The following DKKL1 variants were observed in gnomAD, a reference collection of about 807,000 sequenced individuals.
DKKL1 encodes dickkopf-like protein 1.
DKKL1 carries 11 observed loss-of-function variants against 16.5 expected under a neutral mutation model. The observed-to-expected ratio is 0.67, with a 90% CI of 0.42 to 1.10. The LOEUF is 1.10. DKKL1 is among the 50% of genes least tolerant of loss of function. DKKL1 has a pLI of 0.00. For synonymous variants in DKKL1, 119 were observed against 133.2 expected (o/e 0.89, Z 0.73); for missense variants, 320 against 308.1 (o/e 1.04, Z -0.29).
chr19:49,373,759 G>A (rs66837471), intron 4 of DKKL1, among the ~76,000 whole-genome samples: 34,010 of 151,778 alleles, frequency 0.22, 3,999 homozygotes, highest in Non-Finnish European at 0.25. Flanking sequence ...ATGAGCCACC[G>A]CGTCCAGCCA....
upstream of DKKL1, among the ~76,000 whole-genome samples, chr19:49,362,099 G>C (rs1225871254): frequency 6.6e-6 from 1 of 152,110 alleles, no homozygotes; most frequent in Admixed American, 6.5e-5. Context: ...GCAGACGCAC[G>C]CCCCACACCC....
intron 4 of DKKL1, among the ~76,000 whole-genome samples, chr19:49,373,514 G>C (rs548954476): frequency 7.2e-5 from 11 of 152,240 alleles, no homozygotes; most frequent in African/African-American, 2.4e-4. Context: ...CTGTTGCCCA[G>C]GCTAGAGTGC....
upstream of DKKL1, chr19:49,363,509 T>TCCAGTGCAGGGGCGTGGC (rs879366205): frequency 1.5e-4 from 37 of 240,886 alleles, no homozygotes; most frequent in African/African-American, 4.8e-4. Flanking sequence ...AGGGGCGTGG[T>TCCAGTGCAGGGGCGTGGC]CCAGTGCAGG....
In DKKL1 at chr19:49,373,398, A is replaced by G. The variant is rs559568801; in HGVS notation, c.418-1319A>G. 5.3e-5 allele frequency among the ~76,000 whole-genome samples: 8 copies of G among 152,326 alleles called. No individual in the cohort carries two copies. In the East Asian group the frequency reaches 9.6e-4, roughly 18 times the overall value. ...ATATCTTCAATGACCCTAGTTCCAA[A>G]TAAGGCCACATTCTGAGGTATTACA... On this transcript the variant is annotated intron_variant, in intron 4 of 4. Coordinates refer to ENST00000221498, the MANE Select transcript of DKKL1 (RefSeq NM_014419.4).
At chr19:49,366,181 T>C (rs1343024192) in intron 4 of DKKL1, among the ~76,000 whole-genome samples, 1 of 152,206 alleles carries the variant, frequency 6.6e-6, no homozygotes, top group South Asian at 2.1e-4. Flanking sequence ...TCTGCCCATC[T>C]TGGCCTTCCA....
At chr19:49,365,674 T>G in intron 3 of DKKL1, 25 bp downstream of exon 3, 1 of 1,603,232 alleles carries the variant, frequency 6.2e-7, no homozygotes, top group Non-Finnish European at 8.5e-7. Context: ...AAGCCCTTCC[T>G]GAAGTCCCCT....
In DKKL1 at chr19:49,375,041, G is replaced by A. The variant is rs752979448; in HGVS notation, c.*13G>A. On this transcript the variant is annotated 3_prime_UTR_variant, in exon 5 of 5. Transcript: ENST00000221498. Reference sequence around the variant, plus strand: ...TCGGCAGCTGTAGGGGTGGGGACCGGGGAGCACCTGCCTGTAGCCCCCATC... The same window carrying A: ...TCGGCAGCTGTAGGGGTGGGGACCGAGGAGCACCTGCCTGTAGCCCCCATC... 1.3e-6 allele frequency: 2 copies of A among 1,585,692 alleles called. No individual in the cohort carries two copies. Among genetic ancestry groups the A allele is most frequent in the African/African-American group, 1.3e-5 (1 of 74,462 alleles).
upstream of DKKL1, chr19:49,362,941 T>G (rs1439409091): frequency 1.4e-5 from 2 of 147,332 alleles, no homozygotes; most frequent in African/African-American, 2.6e-5. Flanking sequence ...TTTTGTTTTT[T>G]TTTTTTTTTG....
At chr19:49,365,334 G>C (rs1000268053) in intron 2 of DKKL1, among the ~76,000 whole-genome samples, 175 bp from the exon 3 acceptor site, 1 of 152,064 alleles carries the variant, frequency 6.6e-6, no homozygotes, top group Non-Finnish European at 1.5e-5. Context: ...AATAGAGAGA[G>C]AATTCATGGG....
chr19:49,374,661 A>G lies in DKKL1; in HGVS notation c.418-56A>G, dbSNP rs1438852526. ...GGGCTGAATAGGTCAGTGGGGACTG[A>G]CCATCCTGGGGTGCTGTTTGGAGTA... On this transcript the variant is annotated intron_variant, in intron 4 of 4. Transcript: ENST00000221498. 1.1e-5 allele frequency: 16 copies of G among 1,489,034 alleles called. No individual in the cohort carries two copies. The East Asian group carries it at 2.6e-4, about 24-fold the overall frequency. 92.2% of individuals were successfully genotyped at this position (1,489,034 alleles called of 1,614,324 possible).
At chr19:49,364,856 G>A in intron 2 of DKKL1, 102 bp downstream of exon 2, 1 of 1,422,570 alleles carries the variant, frequency 7.0e-7, no homozygotes, top group East Asian at 2.3e-5. Flanking sequence ...GACAGGATGA[G>A]AGGGCAACAG....
At chr19:49,361,087 CAA>C (rs1972862033), upstream of DKKL1, among the ~76,000 whole-genome samples, 1 of 110,710 alleles carries the variant, frequency 9.0e-6, no homozygotes. Flanking sequence ...GACAGAGACC[CAA>C]AAAGAGAGGG....
rs746332148 is a variant in DKKL1, at chr19:49,364,755, G to C, written c.183+1G>C. ...AGGCTTCAGCCGACTTTTCCTGAAA[G>C]TAAGCGATGGCGGGGGGATGGGGGA... On this transcript the variant is annotated splice_donor_variant, in intron 2 of 4. Transcript: ENST00000221498. LOFTEE classifies it high-confidence loss of function. 3 of 1,611,764 alleles carry C rather than the reference G, an allele frequency of 1.9e-6. No individual in the cohort carries two copies. In the African/African-American group the frequency reaches 4.0e-5, roughly 22 times the overall value.
At chr19:49,372,336 G>A (rs760906988) in intron 4 of DKKL1, among the ~76,000 whole-genome samples, 6 of 151,312 alleles carry the variant, frequency 4.0e-5, no homozygotes, top group Non-Finnish European at 7.4e-5. Context: ...AGAGACGGGC[G>A]GATCATGAGG....
intron 2 of DKKL1, among the ~76,000 whole-genome samples, chr19:49,365,260 GAGAC>G (rs1050546744): frequency 6.6e-6 from 1 of 152,040 alleles, no homozygotes; most frequent in African/African-American, 2.4e-5. Context: ...ACTGGGGAAA[GAGAC>G]AGGAGGAGAG....
At chr19:49,367,606 A>G (rs1215388626) in intron 4 of DKKL1, among the ~76,000 whole-genome samples, 2 of 151,558 alleles carry the variant, frequency 1.3e-5, no homozygotes, top group African/African-American at 2.4e-5. Flanking sequence ...AGGTTTCATC[A>G]TGTTGGCCAG....
intron 4 of DKKL1, among the ~76,000 whole-genome samples, chr19:49,368,467 C>T (rs942855367): frequency 1.4e-5 from 2 of 147,308 alleles, no homozygotes; most frequent in Admixed American, 1.3e-4. Context: ...GCCTGGGCAA[C>T]AGAGTGAGAC....
intron 4 of DKKL1, chr19:49,369,001 C>T (rs1309917731): frequency 2.0e-5 from 3 of 152,074 alleles, no homozygotes; most frequent in Non-Finnish European, 4.4e-5. Context: ...AGTTGTTAGC[C>T]AATTGGGTTT....
chr19:49,362,127 C>T (rs1489407488), upstream of DKKL1, among the ~76,000 whole-genome samples: 1 of 152,200 alleles, frequency 6.6e-6, no homozygotes, highest in Non-Finnish European at 1.5e-5. Flanking sequence ...GCCCTTGGCC[C>T]GCACCCGCTC....
Sources: allele counts gnomAD v4.1 joint callset (sites outside exome capture counted in the v4.1 genomes callset), GRCh38; gene constraint gnomAD v4.1.1; transcripts MANE v1.5; gene names NCBI Gene and HGNC (gene_info 2026-07-23, HGNC 2026-07-21).